RBFOX1: variants seen among roughly 807,000 people sequenced by gnomAD.
The protein encoded by RBFOX1 is RNA binding protein fox-1 homolog 1.
RBFOX1 carries 8 observed loss-of-function variants against 57.7 expected under a neutral mutation model. That is an observed-to-expected ratio of 0.14 (90% CI 0.08 to 0.25). The LOEUF (loss-of-function observed/expected upper bound fraction) is 0.25, where lower values mean the gene tolerates loss of function less well. RBFOX1 is among the 10% of genes least tolerant of loss of function. The pLI is 1.00. For missense variants in RBFOX1, 611 were observed against 548.5 expected (o/e 1.11, Z -1.14); for synonymous variants, 326 against 222.4 (o/e 1.47, Z -4.15).
chr16:5,938,677 G>C (rs2059218175), intron 4 of RBFOX1, among the ~76,000 whole-genome samples: 1 of 151,954 alleles, frequency 6.6e-6, no homozygotes, highest in African/African-American at 2.4e-5. Context: ...TTTTTTCTTT[G>C]TCATTTGGAT....
At chr16:7,523,169 C>G (rs1386749226) in intron 5 of RBFOX1, among the ~76,000 whole-genome samples, 1 of 152,216 alleles carries the variant, frequency 6.6e-6, no homozygotes, top group Non-Finnish European at 1.5e-5. Flanking sequence ...GTGGTTGTAG[C>G]TCCTTCCTTT....
chr16:7,373,137 T>G (rs953257055), intron 4 of RBFOX1, among the ~76,000 whole-genome samples: 1 of 152,082 alleles, frequency 6.6e-6, no homozygotes, highest in East Asian at 1.9e-4. Flanking sequence ...TTTCACCGTG[T>G]TAGCCAGGAT....
intron 4 of RBFOX1, among the ~76,000 whole-genome samples, chr16:7,318,336 G>A (rs1305357978): frequency 1.3e-5 from 2 of 151,756 alleles, no homozygotes; most frequent in Non-Finnish European, 2.9e-5. Flanking sequence ...GGTAGTGACA[G>A]TGCTGATGGT....
rs144622167 is a variant in RBFOX1 at position 7,313,019 on chromosome 16, C to T, written c.28-205128C>T. Among the ~76,000 whole-genome samples, 181 of 152,196 alleles carry T rather than the reference C, an allele frequency of 1.2e-3. 1 individual carries two copies. Among genetic ancestry groups the T allele is most frequent in the South Asian group, 5.2e-3 (25 of 4,818 alleles). On this transcript the variant is annotated intron_variant, in intron 4 of 15. Transcript: ENST00000550418. ...ACACGTGCATTTTCATGCCCTGGAT[C>T]TGTTGTAGGAGAGGCAGCGTGTTCC...
rs1016787552 is a variant in RBFOX1, at chr16:6,229,024, A to G, written c.-126-87971A>G. ...CACAAATCCCCTGCTGTGCCCCACA[A>G]TTGTTGGAGGACAGTGGGTGGATGA... On this transcript the variant is annotated intron_variant, in intron 1 of 15. Transcript: ENST00000550418. Among the ~76,000 whole-genome samples the G allele has an allele frequency of 3.3e-5, 5 of 152,116 alleles. No individual in the cohort carries two copies. In the East Asian group the frequency reaches 5.8e-4, roughly 18 times the overall value.
intron 2 of RBFOX1, among the ~76,000 whole-genome samples, chr16:5,499,024 C>G (rs1173828266): frequency 6.6e-6 from 1 of 152,164 alleles, no homozygotes; most frequent in African/African-American, 2.4e-5. Context: ...TTATGGGTCT[C>G]CAGCAGGGCC....
At chr16:6,744,447 G>T (rs538951438) in intron 3 of RBFOX1, among the ~76,000 whole-genome samples, 1 of 152,012 alleles carries the variant, frequency 6.6e-6, no homozygotes, top group Non-Finnish European at 1.5e-5. Context: ...GCTATTCTGG[G>T]CTGAACTATT....
chr16:7,364,690 CT>C (rs1377541136), intron 4 of RBFOX1, among the ~76,000 whole-genome samples: 1 of 151,816 alleles, frequency 6.6e-6, no homozygotes, highest in African/African-American at 2.4e-5. Context: ...CCTCTAGTCA[CT>C]TTTTCTATCA....
chr16:6,539,274 C>G, intron 2 of RBFOX1, among the ~76,000 whole-genome samples: 1 of 152,230 alleles, frequency 6.6e-6, no homozygotes, highest in South Asian at 2.1e-4. Flanking sequence ...TGGGCAGGTC[C>G]TTCAATTTCC....
chr16:6,965,148 A>G (rs1237472120), intron 3 of RBFOX1, among the ~76,000 whole-genome samples: 1 of 152,116 alleles, frequency 6.6e-6, no homozygotes, highest in African/African-American at 2.4e-5. Flanking sequence ...GGCCAAGGGC[A>G]ACTGTACTGC....
chr16:6,648,858 T>C (rs1010914751), intron 2 of RBFOX1, among the ~76,000 whole-genome samples: 2 of 152,208 alleles, frequency 1.3e-5, no homozygotes, highest in Admixed American at 6.5e-5. Flanking sequence ...AAGTTATATA[T>C]ATTTATCATG....
intron 3 of RBFOX1, among the ~76,000 whole-genome samples, chr16:6,999,322 G>T (rs1459238340): frequency 6.6e-6 from 1 of 150,762 alleles, no homozygotes; most frequent in Admixed American, 6.6e-5. Context: ...CTCCAAAAGT[G>T]ATGGGATGAC....
intron 1 of RBFOX1, among the ~76,000 whole-genome samples, chr16:5,452,477 C>T (rs2068456871): frequency 6.6e-6 from 1 of 152,054 alleles, no homozygotes; most frequent in Non-Finnish European, 1.5e-5. Flanking sequence ...ACTTCTTAAA[C>T]ATTTCTTGAG....
At chr16:6,987,945 G>C (rs889697658) in intron 3 of RBFOX1, among the ~76,000 whole-genome samples, 5 of 151,960 alleles carry the variant, frequency 3.3e-5, no homozygotes, top group Non-Finnish European at 1.5e-5. Flanking sequence ...GGAAACTTGA[G>C]TTTACTAAGT....
intron 3 of RBFOX1, among the ~76,000 whole-genome samples, chr16:6,987,416 C>A (rs888363440): frequency 6.8e-6 from 1 of 148,040 alleles, no homozygotes; most frequent in African/African-American, 2.5e-5. Context: ...ATCTCCCGAG[C>A]CACTAGGCTT....
intron 4 of RBFOX1, among the ~76,000 whole-genome samples, chr16:7,321,117 AC>A (rs2096538362): frequency 7.1e-6 from 1 of 140,656 alleles, no homozygotes; most frequent in African/African-American, 2.5e-5. Flanking sequence ...ATATACATAT[AC>A]ATATACATAT....
chr16:6,788,899 C>G (rs1337459327), intron 3 of RBFOX1, among the ~76,000 whole-genome samples: 2 of 152,150 alleles, frequency 1.3e-5, no homozygotes, highest in African/African-American at 2.4e-5. Context: ...ACTCTCTGCT[C>G]TAAGAACTCA....
chr16:6,201,593 A>C (rs1264644112), intron 1 of RBFOX1, among the ~76,000 whole-genome samples: 1 of 152,160 alleles, frequency 6.6e-6, no homozygotes, highest in Non-Finnish European at 1.5e-5. Context: ...AATGAGGTCT[A>C]ATGTTTGGTG....
intron 4 of RBFOX1, among the ~76,000 whole-genome samples, chr16:7,095,828 C>A (rs143711661): frequency 1.3e-5 from 2 of 151,904 alleles, no homozygotes; most frequent in African/African-American, 4.8e-5. Flanking sequence ...CTGGCTAACA[C>A]GGTGAAACAC....
Sources: gnomAD v4.1 joint callset for allele counts (sites outside exome capture counted in the v4.1 genomes callset) on GRCh38, gnomAD v4.1.1 for gene constraint, MANE v1.5 for transcripts, NCBI Gene and HGNC (gene_info 2026-07-23, HGNC 2026-07-21) for gene names.